SUGCT: variants seen among roughly 807,000 people sequenced by gnomAD.
SUGCT encodes the protein succinyl-CoA:glutarate CoA-transferase.
Under a neutral mutation model 55.0 loss-of-function variants are expected in SUGCT, and 41 were observed. The observed-to-expected ratio is 0.74, with a 90% confidence interval of 0.58 to 0.97. The LOEUF is 0.97. Ranked by LOEUF, SUGCT falls within the 50% of genes least tolerant of loss-of-function variation. The probability of loss-of-function intolerance (pLI) is 0.00; values close to 1 mark genes in which losing one functional copy is unlikely to be tolerated. For synonymous variants in SUGCT, 187 were observed against 200.4 expected, an observed-to-expected ratio of 0.93 and a Z score of 0.56; for missense variants, 568 against 547.8, an observed-to-expected ratio of 1.04 and a Z score of -0.37.
At chr7:40,156,315 T>C (rs920888514) in intron 1 of SUGCT, among the ~76,000 whole-genome samples, 3 of 151,862 alleles carry the variant, frequency 2.0e-5, no homozygotes, top group African/African-American at 7.3e-5. Context: ...TACAAAAAAT[T>C]AGCCCGGCGT....
the SUGCT span, among the ~76,000 whole-genome samples, chr7:41,012,686 C>G: frequency 6.6e-6 from 1 of 151,988 alleles, no homozygotes; most frequent in Non-Finnish European, 1.5e-5. Context: ...GACAGTGCTG[C>G]CCTAAGATTC....
At chr7:40,344,459 G>GAAAA (rs1358197052) in intron 9 of SUGCT, among the ~76,000 whole-genome samples, 1 of 151,970 alleles carries the variant, frequency 6.6e-6, no homozygotes, top group Non-Finnish European at 1.5e-5. Context: ...TTAAATGGCT[G>GAAAA]AAAAAAATCA....
chr7:40,785,880 C>A (rs1440202729), intron 13 of SUGCT, among the ~76,000 whole-genome samples: 1 of 152,052 alleles, frequency 6.6e-6, no homozygotes, highest in South Asian at 2.1e-4. Flanking sequence ...TTGAGCCCAG[C>A]AGTTCAAGAC....
intron 9 of SUGCT, among the ~76,000 whole-genome samples, chr7:40,413,127 T>A (rs994135300): frequency 6.6e-6 from 1 of 152,176 alleles, no homozygotes; most frequent in African/African-American, 2.4e-5. Flanking sequence ...TCCCTTCACA[T>A]CTAACATTGA....
chr7:40,869,212 T>G, the SUGCT span, among the ~76,000 whole-genome samples: 2 of 152,186 alleles, frequency 1.3e-5, no homozygotes, highest in South Asian at 2.1e-4. Flanking sequence ...TCAGTTGATC[T>G]TAGTATAGAG....
intron 7 of SUGCT, among the ~76,000 whole-genome samples, chr7:40,250,828 C>CTTCTTTTTTTTTTTTTTT (rs1253390486): frequency 2.5e-5 from 3 of 121,264 alleles, no homozygotes; most frequent in African/African-American, 1.1e-4. Context: ...TTTCACGCTT[C>CTTCTTTTTTTTTTTTTTT]TTTTTTTTTT....
intron 12 of SUGCT, among the ~76,000 whole-genome samples, chr7:40,625,024 C>A (rs1224308224): frequency 1.3e-5 from 2 of 152,204 alleles, no homozygotes; most frequent in East Asian, 3.9e-4. Context: ...CTGAGGTCAT[C>A]CTTGTCTCTG....
chr7:41,020,931 T>C, the SUGCT span, among the ~76,000 whole-genome samples: 1 of 152,310 alleles, frequency 6.6e-6, no homozygotes, highest in African/African-American at 2.4e-5. Context: ...CACATTTAGA[T>C]AGATGTCCTG....
At chr7:40,928,886 AC>A in the SUGCT span, among the ~76,000 whole-genome samples, 41 of 152,064 alleles carry the variant, frequency 2.7e-4, no homozygotes, top group Non-Finnish European at 5.4e-4. Flanking sequence ...GGCATGAGCC[AC>A]CCTGCCCGGC....
At chr7:40,641,943 C>T (rs1800288631) in intron 12 of SUGCT, among the ~76,000 whole-genome samples, 1 of 152,170 alleles carries the variant, frequency 6.6e-6, no homozygotes, top group Non-Finnish European at 1.5e-5. Flanking sequence ...TCATCTCACA[C>T]TTTAAAGTGA....
the SUGCT span, among the ~76,000 whole-genome samples, chr7:40,890,288 ATTATATAATATAAATTAAATATTTATG>A: frequency 1.4e-5 from 2 of 140,824 alleles, no homozygotes; most frequent in East Asian, 2.0e-4. Context: ...AAATATTTAT[ATTATATAATATAAATTAAATATTTATG>A]TTATATAATA....
At chr7:40,632,102 A>C (rs1799815122) in intron 12 of SUGCT, among the ~76,000 whole-genome samples, 1 of 152,150 alleles carries the variant, frequency 6.6e-6, no homozygotes, top group Non-Finnish European at 1.5e-5. Context: ...GGTGCTTTAT[A>C]CATACTGTGT....
chr7:40,762,014 C>T (rs1388631466), intron 13 of SUGCT, among the ~76,000 whole-genome samples: 2 of 152,124 alleles, frequency 1.3e-5, no homozygotes, highest in East Asian at 3.9e-4. Context: ...GGTAAGAGAC[C>T]TCCAGTGGGG....
chr7:41,005,437 A>G, the SUGCT span, among the ~76,000 whole-genome samples: 2 of 152,286 alleles, frequency 1.3e-5, no homozygotes, highest in African/African-American at 4.8e-5. Context: ...AAATGCGGGT[A>G]TTCCCCAAGG....
Position 40,794,875 on chromosome 7 carries a change from C to T in SUGCT, c.1153+45378C>T, listed in dbSNP as rs142692867. Among the ~76,000 whole-genome samples, 273 of 152,032 alleles carry T rather than the reference C, an allele frequency of 1.8e-3. 4 individuals are homozygous for T. Among genetic ancestry groups the T allele is most frequent in the African/African-American group, 6.3e-3 (261 of 41,488 alleles). On this transcript the variant is annotated intron_variant, in intron 13 of 13. Transcript: ENST00000335693. ...TGTTCTTTTTAAAACTTAAGAAAAA[C>T]AACTTCATTCTTCAATTTTTATTTC... is the stretch of plus-strand genomic sequence containing the variant.
At chr7:40,237,428 G>A (rs1459943014) in intron 6 of SUGCT, among the ~76,000 whole-genome samples, 2 of 151,846 alleles carry the variant, frequency 1.3e-5, no homozygotes, top group African/African-American at 4.8e-5. Context: ...TGCTCGACGG[G>A]AACGAGACTC....
At chr7:40,736,470 A>G (rs868736747) in intron 12 of SUGCT, among the ~76,000 whole-genome samples, 102 of 151,714 alleles carry the variant, frequency 6.7e-4, no homozygotes, top group Admixed American at 2.9e-3. Flanking sequence ...AGGAAGTCCT[A>G]AAGACTACAT....
intron 12 of SUGCT, among the ~76,000 whole-genome samples, chr7:40,570,889 T>A (rs1796415093): frequency 7.0e-6 from 1 of 142,962 alleles, no homozygotes; most frequent in South Asian, 2.3e-4. Flanking sequence ...AGTTGGAGCT[T>A]TGCTCTGTTG....
At chr7:40,400,762 CCTTA>C (rs1218572040) in intron 9 of SUGCT, among the ~76,000 whole-genome samples, 2 of 152,156 alleles carry the variant, frequency 1.3e-5, no homozygotes, top group African/African-American at 4.8e-5. Context: ...TTACTTTGTA[CCTTA>C]CTTAAGTAAT....
Sources: gnomAD v4.1 joint callset for allele counts (sites outside exome capture counted in the v4.1 genomes callset) on GRCh38, gnomAD v4.1.1 for gene constraint, MANE v1.5 for transcripts, NCBI Gene and HGNC (gene_info 2026-07-23, HGNC 2026-07-21) for gene names.